DOCK2: variants seen among roughly 807,000 people sequenced by gnomAD.
DOCK2 encodes dedicator of cytokinesis 2.
In DOCK2, 87 loss-of-function variants were observed where a neutral mutation model predicts 248.9. That is an observed-to-expected ratio of 0.35 (90% confidence interval 0.29 to 0.42). The LOEUF is 0.42. Among genes scored for constraint, DOCK2 ranks in the 10% least tolerant of loss-of-function variants. The pLI is 1.00. For synonymous variants in DOCK2, 805 were observed against 821.6 expected, an observed-to-expected ratio of 0.98 and a Z score of 0.35; for missense variants, 1,747 against 2,300.2, an observed-to-expected ratio of 0.76 and a Z score of 4.92.
chr5:169,659,556 G>A (rs1480543881), intron 2 of DOCK2, among the ~76,000 whole-genome samples: 1 of 152,146 alleles, frequency 6.6e-6, no homozygotes, highest in East Asian at 1.9e-4. Flanking sequence ...TGAATGAAGA[G>A]GGAAAACAGG....
intron 22 of DOCK2, among the ~76,000 whole-genome samples, chr5:169,725,735 C>T (rs115957678): frequency 0.022 from 3,416 of 152,024 alleles, 61 homozygotes; most frequent in Non-Finnish European, 0.034. Flanking sequence ...CACCTCTCAC[C>T]TATGAGTGAG....
At chr5:169,996,197 C>T in intron 30 of DOCK2, 33 bp downstream of exon 30, 1 of 1,603,338 alleles carries the variant, frequency 6.2e-7, no homozygotes, top group Non-Finnish European at 8.5e-7. Context: ...ACCCTTGGAG[C>T]TGCCCAGGGC....
chr5:169,762,279 A>G (rs1003308608), intron 25 of DOCK2, among the ~76,000 whole-genome samples: 2 of 152,170 alleles, frequency 1.3e-5, no homozygotes, highest in African/African-American at 2.4e-5. Flanking sequence ...AATTACGTAT[A>G]TGCTATATAC....
intron 27 of DOCK2, among the ~76,000 whole-genome samples, chr5:169,929,743 A>G (rs1775655072): frequency 1.5e-5 from 2 of 131,880 alleles, no homozygotes; most frequent in South Asian, 2.2e-4. Flanking sequence ...CCCTGTCTCA[A>G]AAAAAAAAAA....
At chr5:169,785,996 C>CAAAT (rs758092030) in intron 25 of DOCK2, among the ~76,000 whole-genome samples, 269 of 152,234 alleles carry the variant, frequency 1.8e-3, no homozygotes, top group Middle Eastern at 3.4e-3. Context: ...GAACTGCATA[C>CAAAT]AAATGGGTAG....
intron 35 of DOCK2, 61 bp from the exon 36 acceptor site, chr5:170,036,454 C>T: frequency 6.4e-7 from 1 of 1,553,054 alleles, no homozygotes; most frequent in Non-Finnish European, 8.8e-7. Flanking sequence ...ATCACCACAC[C>T]CTTGACCGCT....
chr5:169,930,296 A>G (rs1775685164), intron 27 of DOCK2, among the ~76,000 whole-genome samples: 1 of 152,118 alleles, frequency 6.6e-6, no homozygotes, highest in Non-Finnish European at 1.5e-5. Context: ...GGCCTAATTT[A>G]AATTTAAATA....
chr5:169,837,226 A>T (rs1769639441), intron 26 of DOCK2, among the ~76,000 whole-genome samples: 1 of 152,206 alleles, frequency 6.6e-6, no homozygotes, highest in African/African-American at 2.4e-5. Context: ...TTCTTTGCCA[A>T]GGCCATAATG....
chr5:169,943,055 G>A (rs998951055), intron 27 of DOCK2, among the ~76,000 whole-genome samples: 3 of 152,162 alleles, frequency 2.0e-5, no homozygotes, highest in African/African-American at 7.2e-5. Context: ...GGGCTGGGCT[G>A]GAGGAACCTG....
intron 6 of DOCK2, 126 bp from the exon 7 acceptor site, chr5:169,681,618 G>C (rs972529549): frequency 1.7e-6 from 2 of 1,188,952 alleles, no homozygotes; most frequent in Non-Finnish European, 2.4e-6. Flanking sequence ...CAGGCTATCA[G>C]TGTAGAGCTC....
At position 169,871,217 on chromosome 5, in the gene DOCK2, C is replaced by T. The variant is rs187436861; in HGVS notation, c.2799+30365C>T. On this transcript the variant is annotated intron_variant, in intron 27 of 51. Transcript: ENST00000520908. ...GGTACACAAACATTCAGTCTATTCA[C>T]CTAGTTTCCTGATACCTAGTCCTTT... Among the ~76,000 whole-genome samples the T allele has an allele frequency of 4.3e-3, 651 of 152,250 alleles. 7 individuals carry two copies. The highest frequency in any genetic ancestry group is 0.015 in the African/African-American group (611 of 41,536).
intron 23 of DOCK2, among the ~76,000 whole-genome samples, chr5:169,758,257 A>G (rs1242821558): frequency 1.3e-5 from 2 of 152,202 alleles, no homozygotes; most frequent in Admixed American, 1.3e-4. Context: ...GCAGACATGT[A>G]TATTTACATA....
chr5:170,057,696 C>T (rs748903083), intron 44 of DOCK2, 30 bp downstream of exon 44: 107 of 1,570,892 alleles, frequency 6.8e-5, no homozygotes, highest in Non-Finnish European at 9.0e-5. Context: ...GGCAGGGCCA[C>T]CCTTCCTCCG....
At chr5:169,841,082 G>T (rs1021487378) in intron 27 of DOCK2, among the ~76,000 whole-genome samples, 1 of 152,112 alleles carries the variant, frequency 6.6e-6, no homozygotes, top group African/African-American at 2.4e-5. Flanking sequence ...GCGCTAAATT[G>T]AGCATACCAG....
intron 22 of DOCK2, among the ~76,000 whole-genome samples, chr5:169,733,706 T>C (rs1762899691): frequency 6.6e-6 from 1 of 152,106 alleles, no homozygotes; most frequent in Non-Finnish European, 1.5e-5. Context: ...TTTCTAGATA[T>C]AGACTTATAG....
At chr5:169,644,840 C>T (rs10075955) in intron 1 of DOCK2, among the ~76,000 whole-genome samples, 1,619 of 152,094 alleles carry the variant, frequency 0.011, 35 homozygotes, top group African/African-American at 0.037. Context: ...TTTCTCTCCC[C>T]GTGGCCATAT....
chr5:169,940,651 T>C (rs891206743), intron 27 of DOCK2, among the ~76,000 whole-genome samples: 2 of 152,152 alleles, frequency 1.3e-5, no homozygotes, highest in African/African-American at 2.4e-5. Flanking sequence ...GCAACTTAGA[T>C]CCCTCACATG....
At chr5:170,003,000 G>A (rs1754892561) in intron 30 of DOCK2, among the ~76,000 whole-genome samples, 1 of 152,164 alleles carries the variant, frequency 6.6e-6, no homozygotes, top group South Asian at 2.1e-4. Context: ...AATATTCTCA[G>A]GAGCCCAGCT....
chr5:169,945,556 G>C (rs1776413858), intron 27 of DOCK2, among the ~76,000 whole-genome samples: 1 of 152,198 alleles, frequency 6.6e-6, no homozygotes. Context: ...ATAGTATTGT[G>C]CTCATTTCGA....
Sources: gnomAD v4.1 joint callset for allele counts (sites outside exome capture counted in the v4.1 genomes callset) on GRCh38, gnomAD v4.1.1 for gene constraint, MANE v1.5 for transcripts, NCBI Gene and HGNC (gene_info 2026-07-23, HGNC 2026-07-21) for gene names.